TBC1D1: variants seen among roughly 807,000 people sequenced by gnomAD.
TBC1D1 encodes the protein TBC1 (tre-2/USP6, BUB2, cdc16) domain family, member 1.
In TBC1D1, 89 loss-of-function variants were observed where a neutral mutation model predicts 125.6. The observed-to-expected ratio is 0.71, with a 90% CI of 0.60 to 0.85. TBC1D1 has a LOEUF of 0.85. Ranked by LOEUF, TBC1D1 falls within the 40% of genes least tolerant of loss-of-function variation. The pLI is 0.00. For synonymous variants in TBC1D1, 565 were observed against 564.1 expected (o/e 1.00, Z -0.02); for missense variants, 1,377 against 1,469.2 (o/e 0.94, Z 1.03).
chr4:38,102,697 A>G (rs548758278), intron 14 of TBC1D1, among the ~76,000 whole-genome samples: 2 of 152,080 alleles, frequency 1.3e-5, no homozygotes, highest in African/African-American at 4.8e-5. Flanking sequence ...TGGACAGCAT[A>G]GTGAGACCCT....
At chr4:37,972,518 A>G (rs115663045) in intron 2 of TBC1D1, among the ~76,000 whole-genome samples, 2,784 of 150,780 alleles carry the variant, frequency 0.018, 35 homozygotes, top group South Asian at 0.038. Context: ...GATGCCCAGT[A>G]TACGTACAAT....
chr4:38,092,864 C>T (rs1758658981), intron 13 of TBC1D1, among the ~76,000 whole-genome samples: 1 of 152,048 alleles, frequency 6.6e-6, no homozygotes, highest in Non-Finnish European at 1.5e-5. Flanking sequence ...AATGCCATTC[C>T]ATCTTGGGGT....
intron 12 of TBC1D1, among the ~76,000 whole-genome samples, chr4:38,067,729 C>G (rs1036016551): frequency 6.6e-6 from 1 of 152,140 alleles, no homozygotes; most frequent in East Asian, 1.9e-4. Context: ...TCCCTAACAC[C>G]GAAGGCTCAG....
At chr4:37,975,686 G>A (rs1431467412) in intron 2 of TBC1D1, among the ~76,000 whole-genome samples, 4 of 152,192 alleles carry the variant, frequency 2.6e-5, no homozygotes, top group African/African-American at 9.7e-5. Flanking sequence ...TCGCACTCTT[G>A]TCTTCTGGTC....
At chr4:37,979,594 C>A (rs1467695865) in intron 2 of TBC1D1, among the ~76,000 whole-genome samples, 2 of 152,166 alleles carry the variant, frequency 1.3e-5, no homozygotes, top group Admixed American at 1.3e-4. Flanking sequence ...TCAGAATGCC[C>A]CTTCAGAAAC....
intron 1 of TBC1D1, among the ~76,000 whole-genome samples, chr4:37,901,480 A>G (rs1715986118): frequency 6.6e-6 from 1 of 152,124 alleles, no homozygotes; most frequent in South Asian, 2.1e-4. Flanking sequence ...TGTTGATGAG[A>G]AGAAGCCAGG....
intron 2 of TBC1D1, among the ~76,000 whole-genome samples, chr4:37,910,980 TA>T (rs1447620612): frequency 6.6e-6 from 1 of 151,650 alleles, no homozygotes; most frequent in Non-Finnish European, 1.5e-5. Flanking sequence ...TTTTTAAAAA[TA>T]AAATGTGCCT....
chr4:37,937,196 G>A (rs1724566675), intron 2 of TBC1D1, among the ~76,000 whole-genome samples: 1 of 152,182 alleles, frequency 6.6e-6, no homozygotes, highest in African/African-American at 2.4e-5. Context: ...ATTCCTTCGA[G>A]ACTGAGAGTC....
At chr4:37,904,703 G>C (rs1323719473) in intron 2 of TBC1D1, among the ~76,000 whole-genome samples, 2 of 152,132 alleles carry the variant, frequency 1.3e-5, no homozygotes, top group Non-Finnish European at 2.9e-5. Context: ...AGTGATTTTT[G>C]GCTTGCATAC....
intron 19 of TBC1D1, among the ~76,000 whole-genome samples, chr4:38,135,872 A>ATATG (rs1553861668): frequency 2.0e-3 from 257 of 129,432 alleles, no homozygotes; most frequent in Middle Eastern, 4.5e-3. Context: ...GTGTATATAT[A>ATATG]TGTGTGTGTG....
chr4:38,073,275 C>T (rs920718808), intron 12 of TBC1D1, among the ~76,000 whole-genome samples: 6 of 152,254 alleles, frequency 3.9e-5, no homozygotes, highest in African/African-American at 1.4e-4. Flanking sequence ...CTCACCCACA[C>T]TTGTAATCTT....
chr4:38,087,863 GAAAA>G (rs367742093), intron 12 of TBC1D1, among the ~76,000 whole-genome samples: 1 of 83,944 alleles, frequency 1.2e-5, no homozygotes, highest in African/African-American at 5.4e-5. Flanking sequence ...AAAAAAAAAA[GAAAA>G]AAAAAAAAAA....
chr4:38,046,795 G>C (rs951054864), intron 10 of TBC1D1, among the ~76,000 whole-genome samples: 2 of 152,066 alleles, frequency 1.3e-5, no homozygotes, highest in African/African-American at 4.8e-5. Context: ...TTTAAGCCTG[G>C]TCAGTTCAAC....
rs75097504 is a variant in TBC1D1 at position 37,956,082 on chromosome 4, G to C, written c.417+53570G>C. ...TCTCTGTCACTCAGGCTGGAGTACC[G>C]GTGTCGTGATCTAGGCTTACTGCAA... On this transcript the variant is annotated intron_variant, in intron 2 of 19. Coordinates refer to ENST00000261439, the MANE Select transcript of TBC1D1 (RefSeq NM_015173.4). Among the ~76,000 whole-genome samples, 586 of 151,284 alleles carry C rather than the reference G, an allele frequency of 3.9e-3. 2 individuals are homozygous for C. Among genetic ancestry groups the C allele is most frequent in the African/African-American group, 0.013 (552 of 41,172 alleles).
intron 13 of TBC1D1, among the ~76,000 whole-genome samples, chr4:38,094,317 A>G (rs1221350027): frequency 1.3e-5 from 2 of 152,208 alleles, no homozygotes; most frequent in Non-Finnish European, 2.9e-5. Flanking sequence ...GTTGGCTCAG[A>G]CATTTGTGTT....
chr4:38,136,724 C>A (rs1229222190), intron 19 of TBC1D1, among the ~76,000 whole-genome samples: 1 of 152,166 alleles, frequency 6.6e-6, no homozygotes, highest in Admixed American at 6.5e-5. Context: ...AACAAACTTA[C>A]AAGTCTCCGA....
chr4:37,996,002 T>C lies in TBC1D1; in HGVS notation c.418-18507T>C, dbSNP rs577746135. ...CTACCTCATCCTTGGGTGGGGGTTC[T>C]GGGATGGGGATGTCCAGTGGGGCCC... On this transcript the variant is annotated intron_variant, in intron 2 of 19. Coordinates refer to ENST00000261439, the MANE Select transcript of TBC1D1 (RefSeq NM_015173.4). 890 of 527,942 alleles carry C rather than the reference T, an allele frequency of 1.7e-3. 2 individuals are homozygous for C. Among genetic ancestry groups the C allele is most frequent in the Non-Finnish European group, 2.3e-3 (610 of 262,796 alleles). 32.7% of individuals were successfully genotyped at this position (527,942 alleles called of 1,614,324 possible).
chr4:37,978,430 G>C (rs768421860), intron 2 of TBC1D1, among the ~76,000 whole-genome samples: 8 of 152,180 alleles, frequency 5.3e-5, no homozygotes, highest in African/African-American at 7.2e-5. Context: ...CTCACAACTC[G>C]TTAGCCATAC....
At chr4:37,898,455 C>T (rs138170406) in intron 1 of TBC1D1, among the ~76,000 whole-genome samples, 2 of 152,322 alleles carry the variant, frequency 1.3e-5, no homozygotes, top group East Asian at 3.9e-4. Flanking sequence ...GTGTTCCAAA[C>T]TACCTTTTCC....
Sources: gnomAD v4.1 joint callset for allele counts (sites outside exome capture counted in the v4.1 genomes callset) on GRCh38, gnomAD v4.1.1 for gene constraint, MANE v1.5 for transcripts, NCBI Gene and HGNC (gene_info 2026-07-23, HGNC 2026-07-21) for gene names.